ANKRD26: variants seen among roughly 807,000 people sequenced by gnomAD.
ANKRD26 encodes the protein ankyrin repeat domain-containing protein 26.
A neutral mutation model predicts 208.7 loss-of-function variants in ANKRD26; 141 were observed. The observed-to-expected ratio is 0.68, with a 90% CI of 0.59 to 0.78. The LOEUF (loss-of-function observed/expected upper bound fraction) is 0.78, where lower values mean the gene tolerates loss of function less well. Ranked by LOEUF, ANKRD26 falls within the 30% of genes least tolerant of loss-of-function variation. ANKRD26 has a pLI of 0.00. For synonymous variants in ANKRD26, 636 were observed against 660.4 expected, an observed-to-expected ratio of 0.96 and a Z score of 0.57; for missense variants, 1,889 against 1,938.7, an observed-to-expected ratio of 0.97 and a Z score of 0.48.
At chr10:27,021,624 T>C (rs534672542) in intron 29 of ANKRD26, among the ~76,000 whole-genome samples, 3 of 152,368 alleles carry the variant, frequency 2.0e-5, no homozygotes, top group East Asian at 1.9e-4. Context: ...TTTTGCCTAC[T>C]TTTGAATTAG....
At position 27,100,378 on chromosome 10, in the gene ANKRD26, C is replaced by G; in HGVS notation, c.-52G>C. ...ACCTCATGTCTCTCTCGGCTCTTAA[C>G]GGCCTCCGGAGCCCAACATAACAAG... On this transcript the variant is annotated 5_prime_UTR_variant, in exon 1 of 34. Transcript: ENST00000376087. 1.3e-6 allele frequency: 2 copies of G among 1,599,212 alleles called. No homozygotes were observed. Among genetic ancestry groups the G allele is most frequent in the Non-Finnish European group, 1.7e-6 (2 of 1,179,252 alleles).
chr10:26,996,831 A>G lies in ANKRD26; in HGVS notation c.563-1684T>C, dbSNP rs560744760. Among the ~76,000 whole-genome samples the G allele has an allele frequency of 8.0e-4, 122 of 152,280 alleles. 1 individual carries two copies. The highest frequency in any genetic ancestry group is 7.5e-3 in the South Asian group (36 of 4,822). ...GGGTTACAGGAAAACTGGGGAGGCT[A>G]AAGGGAGGTTTACGGCTCCTTGCCT... On this transcript the variant is annotated intron_variant, in intron 4 of 5. Coordinates refer to the ANKRD26 transcript ENST00000445828.
At chr10:27,051,334 T>G (rs1170600451) in intron 16 of ANKRD26, 1 of 1,261,654 alleles carries the variant, frequency 7.9e-7, no homozygotes, top group Admixed American at 2.8e-5. Context: ...GCAGAAATAC[T>G]ATGCCTTTTT....
chr10:26,992,469 T>TACACACACACAC (rs61459601), intron 5 of ANKRD26, among the ~76,000 whole-genome samples: 52 of 136,390 alleles, frequency 3.8e-4, no homozygotes, highest in Non-Finnish European at 6.1e-4. Flanking sequence ...TACACACACG[T>TACACACACACAC]ACACACACAC....
At chr10:27,092,624 A>T in intron 3 of ANKRD26, 112 bp from the exon 4 acceptor site, 1 of 835,546 alleles carries the variant, frequency 1.2e-6, no homozygotes, top group Non-Finnish European at 1.9e-6. Context: ...GAAAACAAAT[A>T]AAAAACACTT....
intron 21 of ANKRD26, among the ~76,000 whole-genome samples, 170 bp downstream of exon 21, chr10:27,039,795 A>G (rs1412258093): frequency 6.6e-6 from 1 of 152,230 alleles, no homozygotes; most frequent in Non-Finnish European, 1.5e-5. Flanking sequence ...TATATTTAGT[A>G]GAAGTTCATA....
chr10:26,952,434 G>T, the ANKRD26 span, among the ~76,000 whole-genome samples: 1 of 152,072 alleles, frequency 6.6e-6, no homozygotes, highest in Non-Finnish European at 1.5e-5. Context: ...GCCCTTTGCT[G>T]TAGGTTTTGG....
Position 27,048,874 on chromosome 10 carries a change from A to G in ANKRD26, c.1741T>C (p.Leu581=). ...TCTCCACTCTTTCTTTTTTGAATTA[A>G]TCCATCATCATCATCATCATCTTCA... ...DAEDDDDDDG[L]IQKRKSGETD... Residue 581 remains leucine (L), a synonymous_variant, in exon 17 of 34, where the codon TTA becomes CTA. Transcript: ENST00000376087. The G allele has an allele frequency of 6.2e-7, 1 of 1,613,146 alleles. No homozygotes were observed. Among genetic ancestry groups the G allele is most frequent in the South Asian group, 1.1e-5 (1 of 91,020 alleles).
At chr10:27,094,961 C>T (rs934437883) in intron 1 of ANKRD26, among the ~76,000 whole-genome samples, 1 of 149,952 alleles carries the variant, frequency 6.7e-6, no homozygotes, top group East Asian at 2.0e-4. Flanking sequence ...GATTGTGCCA[C>T]TGTACTCTAG....
rs2053168181 is a variant in ANKRD26, at chr10:27,012,954, T to C, written c.4881A>G (p.Pro1627=). Reference sequence around the variant, plus strand: ...AGGTAGAGATCACTAAGTTTTCTCTTGGAATAAGTTTTCTGTTGAGATCTA... The same window carrying C: ...AGGTAGAGATCACTAAGTTTTCTCTCGGAATAAGTTTTCTGTTGAGATCTA... ...NSLDLNRKLI[P]RENLVISTSN... is the part of the protein sequence containing the mutation. Residue 1627 remains proline, a synonymous_variant, in exon 32 of 34, where the codon CCA becomes CCG. Coordinates refer to ENST00000376087, the MANE Select transcript of ANKRD26 (RefSeq NM_014915.3). 2 of 1,614,138 alleles carry C rather than the reference T, an allele frequency of 1.2e-6. No individual in the cohort carries two copies. The highest frequency in any genetic ancestry group is 1.3e-5 in the African/African-American group (1 of 75,046).
chr10:27,004,966 TA>T lies in ANKRD26; in HGVS notation c.*623del. The T allele has an allele frequency of 1.1e-6, 1 of 879,950 alleles. No individual in the cohort carries two copies. Among genetic ancestry groups the T allele is most frequent in the Non-Finnish European group, 1.4e-6 (1 of 733,800 alleles). 54.5% of individuals were successfully genotyped at this position (879,950 alleles called of 1,614,324 possible). On this transcript the variant is annotated 3_prime_UTR_variant, in exon 34 of 34. Transcript: ENST00000376087. ...ACTAAAGTAATCAGGGGTGATGACA[TA>T]ATGTCAGCAATTTACTCTCAAATTG...
chr10:27,037,308 T>G lies in ANKRD26; in HGVS notation c.2575A>C (p.Asn859His). 6.2e-7 allele frequency: 1 copy of G among 1,613,908 alleles called. No homozygotes were observed. Among genetic ancestry groups the G allele is most frequent in the Non-Finnish European group, 8.5e-7 (1 of 1,179,846 alleles). Residue 859 changes from asparagine (N) to histidine (H), a missense_variant, in exon 23 of 34, where the codon AAT (asparagine) becomes CAT (histidine). Asn to His is a moderately conservative substitution (Grantham distance 68). Transcript: ENST00000376087. ...CGAGAAAGTTGCCTCTGAGCGTCAT[T>G]TCGCTCTTGAACGACCTAGAGATAC... ...SNLNQVVQER[N>H]DAQRQLSREQ...
At position 27,063,975 on chromosome 10, in the gene ANKRD26, A is replaced by T. The variant is rs1309429129; in HGVS notation, c.1363+13T>A. 6.3e-7 allele frequency: 1 copy of T among 1,587,932 alleles called. No individual in the cohort carries two copies. Among genetic ancestry groups the T allele is most frequent in the South Asian group, 1.1e-5 (1 of 90,574 alleles). ...TGTCCAATGGCTTTTTAAAAATGAA[A>T]TATAGCTCTTACCTTCTGCTTGTTC... is the stretch of plus-strand genomic sequence containing the variant. On this transcript the variant is annotated intron_variant, in intron 12 of 33. Coordinates refer to ENST00000376087, the MANE Select transcript of ANKRD26 (RefSeq NM_014915.3).
chr10:26,964,252 T>C, the ANKRD26 span, among the ~76,000 whole-genome samples: 1 of 152,120 alleles, frequency 6.6e-6, no homozygotes, highest in Non-Finnish European at 1.5e-5. Context: ...GTTAGTTGAA[T>C]CCATGGATGA....
At chr10:27,075,156 A>T (rs2055652039) in intron 9 of ANKRD26, among the ~76,000 whole-genome samples, 1 of 152,248 alleles carries the variant, frequency 6.6e-6, no homozygotes, top group African/African-American at 2.4e-5. Flanking sequence ...ACAATTCACA[A>T]AGTTTATAAA....
At chr10:27,071,537 A>G (rs117816082) in intron 9 of ANKRD26, among the ~76,000 whole-genome samples, 1,731 of 151,934 alleles carry the variant, frequency 0.011, 16 homozygotes, top group Non-Finnish European at 0.018. Flanking sequence ...TTTTTTTCCC[A>G]AGATGACAGA....
chr10:26,990,535 G>A (rs1171198555), downstream of ANKRD26, among the ~76,000 whole-genome samples: 2 of 152,248 alleles, frequency 1.3e-5, no homozygotes, highest in African/African-American at 2.4e-5. Context: ...TGCAGGAGAG[G>A]TCAGTTCCTT....
chr10:27,079,137 A>G lies in ANKRD26; in HGVS notation c.765T>C (p.Asp255=). Residue 255 remains aspartate, a synonymous_variant, in exon 7 of 34, where the codon GAT becomes GAC. Coordinates refer to ENST00000376087, the MANE Select transcript of ANKRD26 (RefSeq NM_014915.3). ...CGTCATCTGAGGTAGGCCATGAATCATCAACACCCGGTTTGCCAGAAAGCC... is the reference window on the plus strand; with the variant it reads ...CGTCATCTGAGGTAGGCCATGAATCGTCAACACCCGGTTTGCCAGAAAGCC... ...LSRLSGKPGV[D]DSWPTSDDED... The G allele has an allele frequency of 6.2e-7, 1 of 1,613,902 alleles. No individual in the cohort carries two copies. Among genetic ancestry groups the G allele is most frequent in the Non-Finnish European group, 8.5e-7 (1 of 1,179,824 alleles).
At chr10:27,023,545 A>G (rs2135047788) in intron 28 of ANKRD26, among the ~76,000 whole-genome samples, 1 of 152,222 alleles carries the variant, frequency 6.6e-6, no homozygotes, top group South Asian at 2.1e-4. Context: ...TAAGGGGAAA[A>G]GGAAACAGGC....
Sources: allele counts gnomAD v4.1 joint callset (sites outside exome capture counted in the v4.1 genomes callset), GRCh38; gene constraint gnomAD v4.1.1; transcripts MANE v1.5; gene names NCBI Gene and HGNC (gene_info 2026-07-23, HGNC 2026-07-21).